Variants in WDPCP observed in about 807,000 individuals in gnomAD.
WDPCP encodes WD repeat containing planar cell polarity effector, also known as WD repeat-containing and planar cell polarity effector protein fritz homolog.
Under a neutral mutation model 93.1 loss-of-function variants are expected in WDPCP, and 71 were observed. That is an observed-to-expected ratio of 0.76 (90% confidence interval 0.63 to 0.93). WDPCP has a LOEUF of 0.93. Ranked by LOEUF, WDPCP falls within the 40% of genes least tolerant of loss-of-function variation. The pLI is 0.00. For synonymous variants in WDPCP, 315 were observed against 315.0 expected (o/e 1.00, Z 0.00); for missense variants, 844 against 887.4 (o/e 0.95, Z 0.62).
intron 13 of WDPCP, among the ~76,000 whole-genome samples, chr2:63,311,332 A>G (rs1270768106): frequency 6.6e-6 from 1 of 152,196 alleles, no homozygotes; most frequent in Non-Finnish European, 1.5e-5. Flanking sequence ...CTCTGGCTAG[A>G]TGAAATTTAG....
chr2:63,154,474 T>C (rs1672101037), intron 15 of WDPCP, among the ~76,000 whole-genome samples: 2 of 152,176 alleles, frequency 1.3e-5, no homozygotes, highest in Admixed American at 6.5e-5. Flanking sequence ...GTTAAACGTG[T>C]ATCAATGGTT....
intron 14 of WDPCP, among the ~76,000 whole-genome samples, chr2:63,181,596 C>A (rs539955188): frequency 6.6e-6 from 1 of 152,190 alleles, no homozygotes; most frequent in Non-Finnish European, 1.5e-5. Flanking sequence ...GTTACTGTAA[C>A]CTCATAGTAT....
chr2:63,731,103 T>C (rs925046788), intron 2 of WDPCP, among the ~76,000 whole-genome samples: 8 of 152,028 alleles, frequency 5.3e-5, no homozygotes, highest in Non-Finnish European at 8.8e-5. Context: ...ACCCTGTGTC[T>C]ACTAAAAATA....
intron 9 of WDPCP, among the ~76,000 whole-genome samples, chr2:63,418,619 TTCAGGAACTGGTCATTAGAATTCA>T (rs1205080526): frequency 6.6e-6 from 1 of 152,270 alleles, no homozygotes; most frequent in East Asian, 1.9e-4. Context: ...TGTTGGGGAT[TTCAGGAACTGGTCATTAGAATTCA>T]AAAGAGAATG....
chr2:63,346,645 C>A (rs1003385437), intron 12 of WDPCP, among the ~76,000 whole-genome samples: 3 of 152,178 alleles, frequency 2.0e-5, no homozygotes, highest in East Asian at 3.8e-4. Context: ...TCTATGAATG[C>A]ATAGCTCAGA....
intron 1 of WDPCP, among the ~76,000 whole-genome samples, chr2:63,494,294 G>A (rs1314094145): frequency 4.0e-5 from 6 of 151,826 alleles, no homozygotes; most frequent in Non-Finnish European, 8.8e-5. Flanking sequence ...TGATGACGAC[G>A]ACGACGACAA....
intron 14 of WDPCP, among the ~76,000 whole-genome samples, chr2:63,191,414 G>A (rs1675034987): frequency 6.6e-6 from 1 of 152,008 alleles, no homozygotes; most frequent in African/African-American, 2.4e-5. Flanking sequence ...AGAAAAAATT[G>A]GGACATTTAG....
At chr2:63,286,103 T>C (rs1683980026) in intron 13 of WDPCP, among the ~76,000 whole-genome samples, 1 of 152,014 alleles carries the variant, frequency 6.6e-6, no homozygotes, top group African/African-American at 2.4e-5. Flanking sequence ...ACTCTTAGGC[T>C]CAAGTAATCC....
At chr2:63,531,416 C>T (rs1203014921) in intron 1 of WDPCP, among the ~76,000 whole-genome samples, 1 of 152,188 alleles carries the variant, frequency 6.6e-6, no homozygotes, top group East Asian at 1.9e-4. Flanking sequence ...CCCTGAGTAG[C>T]CTAACTGGGA....
chr2:63,839,285 C>A, the WDPCP span, among the ~76,000 whole-genome samples: 4 of 152,172 alleles, frequency 2.6e-5, no homozygotes, highest in Non-Finnish European at 4.4e-5. Context: ...ACTCGCCAGG[C>A]GCGGTGGCTC....
intron 3 of WDPCP, among the ~76,000 whole-genome samples, chr2:63,634,417 A>T (rs1709900738): frequency 6.6e-6 from 1 of 152,238 alleles, no homozygotes; most frequent in African/African-American, 2.4e-5. Context: ...TGGCAATACA[A>T]TAATAGTAGA....
intron 13 of WDPCP, among the ~76,000 whole-genome samples, chr2:63,259,800 T>C (rs1461155091): frequency 6.6e-6 from 1 of 152,168 alleles, no homozygotes; most frequent in Non-Finnish European, 1.5e-5. Context: ...CTAAACAGAT[T>C]TGTTGCTGCA....
chr2:63,656,337 C>T (rs149114762), intron 2 of WDPCP, among the ~76,000 whole-genome samples: 139 of 152,270 alleles, frequency 9.1e-4, no homozygotes, highest in Admixed American at 1.9e-3. Flanking sequence ...GCTTGGTTGG[C>T]CCCAGATGCA....
intron 15 of WDPCP, among the ~76,000 whole-genome samples, chr2:63,169,987 G>A (rs1673264197): frequency 6.6e-6 from 1 of 151,318 alleles, no homozygotes; most frequent in African/African-American, 2.4e-5. Flanking sequence ...AATGTTTAGG[G>A]CCCCAAGCGA....
intron 2 of WDPCP, among the ~76,000 whole-genome samples, chr2:63,698,927 G>A (rs1275782223): frequency 6.6e-6 from 1 of 152,166 alleles, no homozygotes; most frequent in African/African-American, 2.4e-5. Context: ...CCTGGAAAAT[G>A]ACCCAGAGTT....
At position 63,517,536 on chromosome 2, in the gene WDPCP, A is replaced by C. The variant is rs1702632318; in HGVS notation, c.76-24596T>G. ...TTCTAGCAGAACACTTTTTCTTATA[A>C]TAAAACATTATATAAGACTCCAATA... On this transcript the variant is annotated intron_variant, in intron 1 of 17. Transcript: ENST00000272321. Among the ~76,000 whole-genome samples the C allele has an allele frequency of 3.3e-5, 5 of 152,338 alleles. No homozygotes were observed. In the South Asian group the frequency reaches 1.0e-3, roughly 32 times the overall value.
chr2:63,176,322 T>A (rs1027617534), intron 14 of WDPCP, among the ~76,000 whole-genome samples: 36 of 152,154 alleles, frequency 2.4e-4, no homozygotes, highest in African/African-American at 8.4e-4. Context: ...CATGGCTCAC[T>A]AAAGTCTTGA....
At chr2:63,341,943 C>A (rs749273773) in intron 12 of WDPCP, among the ~76,000 whole-genome samples, 13 of 152,214 alleles carry the variant, frequency 8.5e-5, no homozygotes, top group Middle Eastern at 6.8e-3. Flanking sequence ...AAGTGAGTCA[C>A]TTCTAGAACA....
chr2:63,757,618 C>G (rs1304358103), intron 2 of WDPCP, among the ~76,000 whole-genome samples: 2 of 152,142 alleles, frequency 1.3e-5, no homozygotes, highest in East Asian at 3.9e-4. Context: ...GACCAAAAGG[C>G]ATGTAGCCAT....
Sources: gnomAD v4.1 joint callset for allele counts (sites outside exome capture counted in the v4.1 genomes callset) on GRCh38, gnomAD v4.1.1 for gene constraint, MANE v1.5 for transcripts, NCBI Gene and HGNC (gene_info 2026-07-23, HGNC 2026-07-21) for gene names.